INSL6: variants seen among roughly 807,000 people sequenced by gnomAD.
INSL6 encodes insulin-like peptide INSL6.
Under a neutral mutation model 9.4 loss-of-function variants are expected in INSL6, and 16 were observed. That is an observed-to-expected ratio of 1.70 (90% confidence interval 1.15 to 2.59). The LOEUF (loss-of-function observed/expected upper bound fraction) is 2.59. INSL6 is among the 30% of genes most tolerant of loss of function. INSL6 has a pLI of 0.00. For missense variants in INSL6, 391 were observed against 257.3 expected, an observed-to-expected ratio of 1.52 and a Z score of -3.56; for synonymous variants, 154 against 96.9, an observed-to-expected ratio of 1.59 and a Z score of -3.46.
At chr9:5,173,578 G>A (rs1209075420) in intron 1 of INSL6, among the ~76,000 whole-genome samples, 1 of 151,962 alleles carries the variant, frequency 6.6e-6, no homozygotes. Flanking sequence ...GTGAACATGG[G>A]GAAGCAAAAA....
intron 3 of INSL6, among the ~76,000 whole-genome samples, chr9:5,124,644 T>G (rs1023074813): frequency 2.0e-5 from 3 of 151,740 alleles, no homozygotes; most frequent in Admixed American, 1.3e-4. Flanking sequence ...ATCACATTAC[T>G]TGACCTCAAA....
chr9:5,115,670 A>G, the INSL6 span, among the ~76,000 whole-genome samples: 1 of 152,250 alleles, frequency 6.6e-6, no homozygotes, highest in Non-Finnish European at 1.5e-5. Flanking sequence ...CCAAATGCCC[A>G]TCAATGATAG....
the INSL6 span, among the ~76,000 whole-genome samples, chr9:5,115,312 GCTC>G: frequency 6.6e-6 from 1 of 152,154 alleles, no homozygotes; most frequent in African/African-American, 2.4e-5. Flanking sequence ...ATGAAAAAAA[GCTC>G]ATCATCACTG....
At chr9:5,114,724 AC>A in the INSL6 span, 1 of 375,618 alleles carries the variant, frequency 2.7e-6, no homozygotes, top group Non-Finnish European at 5.2e-6. Context: ...GAACAGAAAA[AC>A]GAGTTCATCT....
chr9:5,103,372 T>A, the INSL6 span, among the ~76,000 whole-genome samples: 2 of 148,806 alleles, frequency 1.3e-5, no homozygotes, highest in African/African-American at 5.1e-5. Flanking sequence ...AAGAGCTAAC[T>A]ATACTAAATA....
chr9:5,071,179 G>T, the INSL6 span, among the ~76,000 whole-genome samples: 1 of 152,090 alleles, frequency 6.6e-6, no homozygotes, highest in Non-Finnish European at 1.5e-5. Context: ...TGTGGTGCTT[G>T]GAAGAAACAA....
intron 1 of INSL6, among the ~76,000 whole-genome samples, chr9:5,167,827 T>A (rs1825089507): frequency 6.6e-6 from 1 of 152,176 alleles, no homozygotes; most frequent in Non-Finnish European, 1.5e-5. Context: ...TCTGCTGGCA[T>A]CAGGTTAGCA....
chr9:5,021,361 C>T, the INSL6 span, among the ~76,000 whole-genome samples: 2 of 152,250 alleles, frequency 1.3e-5, no homozygotes, highest in Admixed American at 6.5e-5. Context: ...GAGATCTCTT[C>T]TTCTGTTGTC....
the INSL6 span, among the ~76,000 whole-genome samples, chr9:5,008,701 T>C: frequency 6.6e-6 from 1 of 152,238 alleles, no homozygotes; most frequent in Non-Finnish European, 1.5e-5. Context: ...CTTTGATTTG[T>C]ATCGGTACAG....
intron 2 of INSL6, among the ~76,000 whole-genome samples, chr9:5,137,500 A>T (rs764951272): frequency 6.6e-6 from 1 of 152,312 alleles, no homozygotes; most frequent in Admixed American, 6.5e-5. Context: ...GACAAACCCT[A>T]TTTAATATAT....
chr9:5,161,699 A>G (rs1035837025), downstream of INSL6, among the ~76,000 whole-genome samples: 1 of 152,226 alleles, frequency 6.6e-6, no homozygotes, highest in Non-Finnish European at 1.5e-5. Context: ...TAAGGACTCC[A>G]CCAAAAAATG....
the INSL6 span, among the ~76,000 whole-genome samples, chr9:5,055,336 G>C: frequency 2.0e-5 from 3 of 152,088 alleles, no homozygotes; most frequent in Admixed American, 2.0e-4. Flanking sequence ...TGTTACTAGA[G>C]ATTTAGAGGG....
chr9:5,120,181 T>C (rs2130842800), downstream of INSL6, among the ~76,000 whole-genome samples: 1 of 152,336 alleles, frequency 6.6e-6, no homozygotes, highest in East Asian at 1.9e-4. Context: ...AGGAACACCA[T>C]GTCCTCACAT....
At chr9:4,996,140 C>A in the INSL6 span, among the ~76,000 whole-genome samples, 1 of 152,136 alleles carries the variant, frequency 6.6e-6, no homozygotes. Flanking sequence ...GACAGAATTA[C>A]AGGGAAGTCT....
Position 5,185,625 on chromosome 9 carries a change from T to C in INSL6, c.-23A>G. The C allele has an allele frequency of 6.2e-7, 1 of 1,601,364 alleles. No individual in the cohort carries two copies. The highest frequency in any genetic ancestry group is 1.1e-5 in the South Asian group (1 of 89,696). The stretch of plus-strand genomic sequence containing the variant: ...CATCCCTGTGACCCCAGGCTAGTCC[T>C]CCGCGTTGTGCAATGGCGGTCGGCC... On this transcript the variant is annotated 5_prime_UTR_variant, in exon 1 of 2. Transcript: ENST00000381641.
the INSL6 span, among the ~76,000 whole-genome samples, chr9:5,010,506 A>C: frequency 6.6e-6 from 1 of 152,068 alleles, no homozygotes; most frequent in African/African-American, 2.4e-5. Flanking sequence ...TTTTTAGTAC[A>C]GACAGGGTTT....
At chr9:5,081,674 C>T in the INSL6 span, 7 of 1,358,538 alleles carry the variant, frequency 5.2e-6, no homozygotes, top group Admixed American at 5.2e-5. Flanking sequence ...CAGTTTAGTC[C>T]AGAGAATGTT....
intron 1 of INSL6, among the ~76,000 whole-genome samples, chr9:5,180,271 C>A (rs936162170): frequency 6.6e-6 from 1 of 152,120 alleles, no homozygotes. Flanking sequence ...GTTAACTGTA[C>A]AAATTGATTG....
At chr9:5,156,976 C>CA (rs1469353241) in intron 2 of INSL6, among the ~76,000 whole-genome samples, 5 of 152,120 alleles carry the variant, frequency 3.3e-5, no homozygotes, top group Non-Finnish European at 5.9e-5. Context: ...GAGACTGCGA[C>CA]ACTGCACTCC....
Sources: allele counts gnomAD v4.1 joint callset (sites outside exome capture counted in the v4.1 genomes callset), GRCh38; gene constraint gnomAD v4.1.1; transcripts MANE v1.5; gene names NCBI Gene and HGNC (gene_info 2026-07-23, HGNC 2026-07-21).